The following PCBP3 variants were observed in gnomAD, a reference collection of about 807,000 sequenced individuals.
PCBP3 encodes poly(rC) binding protein 3, also known as poly(rC)-binding protein 3.
In PCBP3, 25 loss-of-function variants were observed where a neutral mutation model predicts 52.7. That is an observed-to-expected ratio of 0.47 (90% CI 0.35 to 0.66). PCBP3 has a LOEUF of 0.66. Among genes scored for constraint, PCBP3 ranks in the 30% least tolerant of loss-of-function variants. The pLI is 0.01. For synonymous variants in PCBP3, 162 were observed against 183.0 expected (o/e 0.89, Z 0.93); for missense variants, 391 against 490.3 (o/e 0.80, Z 1.91).
rs1014854756 is a variant in PCBP3, at chr21:45,736,377, G to A, written c.-162+948G>A. On this transcript the variant is annotated intron_variant, in intron 3 of 17. Coordinates refer to ENST00000681687, the MANE Select transcript of PCBP3 (RefSeq NM_001384156.1). This position sits in a 1 kb window ranked among gnomAD's most constrained non-coding sequence, Gnocchi z 4.6. ...CTGCCTTGTTGATGGGACGTGGGTC[G>A]GAGCTCCCAGTGTGTCTTGCCTTCC... Among the ~76,000 whole-genome samples, 15 of 152,188 alleles carry A rather than the reference G, an allele frequency of 9.9e-5. No homozygotes were observed. The highest frequency in any genetic ancestry group is 3.1e-4 in the African/African-American group (13 of 41,438).
At chr21:45,717,751 A>T (rs1299624422) in intron 2 of PCBP3, among the ~76,000 whole-genome samples, 2 of 152,004 alleles carry the variant, frequency 1.3e-5, no homozygotes, top group African/African-American at 4.8e-5. Context: ...TTTTGTTGTG[A>T]TGTTTTACAT....
In PCBP3 at chr21:45,913,944, T is replaced by C; in HGVS notation, c.601-7T>C. On this transcript the variant is annotated splice_polypyrimidine_tract_variant and splice_region_variant and intron_variant, in intron 11 of 17. Transcript: ENST00000681687. ...GCTCTCTCTCCCTCTCCTGTCCCTT[T>C]TCCTAGTCCCCACCGAAAGGTGCCA... 6.2e-7 allele frequency: 1 copy of C among 1,608,944 alleles called. No individual in the cohort carries two copies. The highest frequency in any genetic ancestry group is 8.5e-7 in the Non-Finnish European group (1 of 1,178,254).
chr21:45,822,745 AC>A (rs2093179777), intron 4 of PCBP3, among the ~76,000 whole-genome samples: 1 of 151,452 alleles, frequency 6.6e-6, no homozygotes. Context: ...CACAGGACAC[AC>A]CCATCTTGGT....
At chr21:45,671,595 C>T (rs1353825869) in intron 2 of PCBP3, among the ~76,000 whole-genome samples, 1 of 152,130 alleles carries the variant, frequency 6.6e-6, no homozygotes, top group Non-Finnish European at 1.5e-5. Flanking sequence ...CACCTGGGAA[C>T]CATGGGGTGT....
At chr21:45,891,114 A>T (rs2095650944) in intron 5 of PCBP3, among the ~76,000 whole-genome samples, 1 of 152,148 alleles carries the variant, frequency 6.6e-6, no homozygotes, top group Admixed American at 6.5e-5. Flanking sequence ...GCTGAAGGGA[A>T]TGTAGATAAT....
At chr21:45,731,402 G>T (rs2085444658) in intron 2 of PCBP3, among the ~76,000 whole-genome samples, 1 of 152,170 alleles carries the variant, frequency 6.6e-6, no homozygotes, top group African/African-American at 2.4e-5. Context: ...AGGCACAGTT[G>T]TCAGTCATGC....
intron 13 of PCBP3, among the ~76,000 whole-genome samples, chr21:45,919,882 G>C (rs1396810054): frequency 6.6e-6 from 1 of 152,252 alleles, no homozygotes; most frequent in African/African-American, 2.4e-5. Context: ...GCAGGGGTGT[G>C]GGGGGCAGGT....
intron 5 of PCBP3, among the ~76,000 whole-genome samples, chr21:45,895,464 C>T (rs1278219410): frequency 6.6e-6 from 1 of 152,124 alleles, no homozygotes; most frequent in African/African-American, 2.4e-5. Flanking sequence ...GAGCAGGGTC[C>T]CCACCGTGCC....
chr21:45,797,707 CAG>C (rs960274184), intron 4 of PCBP3, among the ~76,000 whole-genome samples: 2 of 4,800 alleles, frequency 4.2e-4, no homozygotes, highest in Admixed American at 2.2e-3. Context: ...CATGGATCCA[CAG>C]AGAGTGAATG....
intron 15 of PCBP3, among the ~76,000 whole-genome samples, chr21:45,931,526 C>T (rs1047595358): frequency 2.0e-5 from 3 of 152,244 alleles, no homozygotes; most frequent in Non-Finnish European, 4.4e-5. Context: ...TTGAATGCTG[C>T]GGCCAGGAGA....
At chr21:45,689,956 G>A (rs1439244045) in intron 2 of PCBP3, among the ~76,000 whole-genome samples, 1 of 152,116 alleles carries the variant, frequency 6.6e-6, no homozygotes, top group Non-Finnish European at 1.5e-5. Flanking sequence ...CAGATTGAAA[G>A]CTATCTCAAT....
At chr21:45,745,009 G>A (rs1157744656) in intron 3 of PCBP3, among the ~76,000 whole-genome samples, 1 of 152,196 alleles carries the variant, frequency 6.6e-6, no homozygotes. Flanking sequence ...GGATGGAAGA[G>A]TGGCACCCAC....
chr21:45,811,514 C>G (rs71324446), intron 4 of PCBP3, among the ~76,000 whole-genome samples: 11 of 152,170 alleles, frequency 7.2e-5, no homozygotes, highest in African/African-American at 2.7e-4. Context: ...GGCCTGTGAC[C>G]TTCATCACAT....
rs902265081 is a variant in PCBP3 at position 45,870,539 on chromosome 21, C to T, written c.10+20444C>T. Among the ~76,000 whole-genome samples, 5 of 152,358 alleles carry T rather than the reference C, an allele frequency of 3.3e-5. No homozygotes were observed. The East Asian group carries it at 5.8e-4, about 18-fold the overall frequency. On this transcript the variant is annotated intron_variant, in intron 5 of 17. Coordinates refer to ENST00000681687, the MANE Select transcript of PCBP3 (RefSeq NM_001384156.1). ...CCTCCATGGAGACACTCATGACCAC[C>T]GCCTGCAGCCTTGTGCGGCCAGACC... is the stretch of plus-strand genomic sequence containing the variant.
At chr21:45,668,064 T>TGG (rs2080922603) in intron 1 of PCBP3, among the ~76,000 whole-genome samples, 1 of 152,186 alleles carries the variant, frequency 6.6e-6, no homozygotes, top group African/African-American at 2.4e-5. Flanking sequence ...TATAAGTGCC[T>TGG]TAGCCTTCAT....
rs559369033 is a variant in PCBP3, at chr21:45,691,974, A to C, written c.-200+23022A>C. Among the ~76,000 whole-genome samples the C allele has an allele frequency of 1.1e-4, 17 of 152,298 alleles. 1 individual carries two copies. In the South Asian group the frequency reaches 2.1e-3, roughly 19 times the overall value. On this transcript the variant is annotated intron_variant, in intron 2 of 17. Transcript: ENST00000681687. ...ACTCTCCCACGTTCTCCAGGTGTCT[A>C]GGGGATAGAGTCACCCTGAAGGAAA...
intron 4 of PCBP3, among the ~76,000 whole-genome samples, chr21:45,825,043 G>A (rs1234467645): frequency 6.6e-6 from 1 of 152,234 alleles, no homozygotes; most frequent in East Asian, 1.9e-4. Flanking sequence ...CTGCAGAGAA[G>A]GGGCACCCTG....
At chr21:45,890,755 C>T (rs1445529700) in intron 5 of PCBP3, among the ~76,000 whole-genome samples, 1 of 150,744 alleles carries the variant, frequency 6.6e-6, no homozygotes, top group Non-Finnish European at 1.5e-5. Flanking sequence ...GAACCTGGAA[C>T]TCTGTGCATT....
At chr21:45,706,591 G>A (rs533418939) in intron 2 of PCBP3, among the ~76,000 whole-genome samples, 1 of 152,152 alleles carries the variant, frequency 6.6e-6, no homozygotes, top group South Asian at 2.1e-4. Flanking sequence ...TACTGTAAAT[G>A]CTCTAGAATT....
Sources: gnomAD v4.1 joint callset for allele counts (sites outside exome capture counted in the v4.1 genomes callset) on GRCh38, gnomAD v4.1.1 for gene constraint, Gnocchi (gnomAD v3.1) non-coding constraint, MANE v1.5 for transcripts, NCBI Gene and HGNC (gene_info 2026-07-23, HGNC 2026-07-21) for gene names.